Variants in ITGA1 observed in about 807,000 individuals in gnomAD.
The protein encoded by ITGA1 is integrin subunit alpha 1.
In ITGA1, 85 loss-of-function variants were observed where a neutral mutation model predicts 145.9. The observed-to-expected ratio is 0.58, with a 90% CI of 0.49 to 0.70. ITGA1 has a LOEUF of 0.70. Among genes scored for constraint, ITGA1 ranks in the 30% least tolerant of loss-of-function variants. The pLI, the probability that ITGA1 is intolerant of heterozygous loss-of-function variation, is 0.00. For synonymous variants in ITGA1, 520 were observed against 495.3 expected (o/e 1.05, Z -0.66); for missense variants, 1,351 against 1,418.7 (o/e 0.95, Z 0.77).
rs562386891 is a variant in ITGA1 at position 52,940,020 on chromosome 5, G to A, written c.3285+76G>A. The A allele has an allele frequency of 6.6e-6, 6 of 903,390 alleles. No homozygotes were observed. In the East Asian group the frequency reaches 1.6e-4, roughly 23 times the overall value. 56.0% of individuals were successfully genotyped at this position (903,390 alleles called of 1,614,324 possible). ...TCATTTACCACTTAGAATATGCAAG[G>A]CACTGTGCTGCTTTTGGAAAGAATG... On this transcript the variant is annotated intron_variant, in intron 26 of 28. Coordinates refer to ENST00000282588, the MANE Select transcript of ITGA1 (RefSeq NM_181501.2).
In ITGA1 at chr5:52,840,733, G is replaced by GT. The variant is rs1403476791; in HGVS notation, c.62-8629dup. On this transcript the variant is annotated intron_variant, in intron 1 of 28. Transcript: ENST00000282588. ...AAAGGAAGATTTTTTAAGAAAGGAT[G>GT]TTTGGGAAACACTCTAGGAGTTATT... Among the ~76,000 whole-genome samples, 7 of 152,314 alleles carry GT rather than the reference G, an allele frequency of 4.6e-5. No individual in the cohort carries two copies. In the East Asian group the frequency reaches 1.2e-3, roughly 25 times the overall value.
chr5:52,817,261 G>C lies in ITGA1; in HGVS notation c.61+28847G>C, dbSNP rs1160913676. Among the ~76,000 whole-genome samples the C allele has an allele frequency of 2.0e-5, 3 of 152,116 alleles. No individual in the cohort carries two copies. In the East Asian group the frequency reaches 5.8e-4, roughly 29 times the overall value. ...AGAGGTAGAGAAGGAAGTGTCCCAG[G>C]CTTGGTTTCAAGACAACTAGGTCCT... is the stretch of plus-strand genomic sequence containing the variant. On this transcript the variant is annotated intron_variant, in intron 1 of 28. Transcript: ENST00000282588.
At chr5:52,908,500 C>G (rs1579711558) in intron 12 of ITGA1, among the ~76,000 whole-genome samples, 1 of 152,124 alleles carries the variant, frequency 6.6e-6, no homozygotes, top group Admixed American at 6.6e-5. Flanking sequence ...CAACTCAGCT[C>G]CTTATAATGT....
At chr5:52,855,656 G>GA (rs775261998) in intron 2 of ITGA1, among the ~76,000 whole-genome samples, 1 of 152,106 alleles carries the variant, frequency 6.6e-6, no homozygotes, top group Non-Finnish European at 1.5e-5. Flanking sequence ...AGTGTTGTGA[G>GA]AAAAAACTGA....
intron 9 of ITGA1, among the ~76,000 whole-genome samples, chr5:52,895,723 G>A (rs1430067908): frequency 6.6e-6 from 1 of 152,108 alleles, no homozygotes; most frequent in Non-Finnish European, 1.5e-5. Context: ...GTGACAGGTT[G>A]AAGAGCCCAA....
At chr5:52,864,270 C>T (rs1016343794) in intron 3 of ITGA1, among the ~76,000 whole-genome samples, 1 of 152,116 alleles carries the variant, frequency 6.6e-6, no homozygotes, top group Non-Finnish European at 1.5e-5. Flanking sequence ...CTCTAATATT[C>T]CTCTAGTTTC....
At chr5:52,822,642 G>A (rs558842968) in intron 1 of ITGA1, among the ~76,000 whole-genome samples, 97 of 152,320 alleles carry the variant, frequency 6.4e-4, no homozygotes, top group East Asian at 2.5e-3. Flanking sequence ...TCGCCAGTTC[G>A]TATTGTAGCC....
chr5:52,907,438 T>A (rs1010428902), intron 12 of ITGA1, among the ~76,000 whole-genome samples: 1 of 152,192 alleles, frequency 6.6e-6, no homozygotes. Context: ...ATTAATTGTA[T>A]ACAAGACAAG....
chr5:52,918,275 A>G (rs1579719741), intron 15 of ITGA1, among the ~76,000 whole-genome samples: 1 of 152,318 alleles, frequency 6.6e-6, no homozygotes, highest in African/African-American at 2.4e-5. Context: ...CAATGCCTCA[A>G]ATGTTATTTT....
At chr5:52,845,746 A>G (rs1749322147) in intron 1 of ITGA1, among the ~76,000 whole-genome samples, 1 of 152,202 alleles carries the variant, frequency 6.6e-6, no homozygotes, top group Non-Finnish European at 1.5e-5. Context: ...ATAGCCCCTT[A>G]TAACAAGAAT....
At position 52,953,769 on chromosome 5, in the gene ITGA1, G is replaced by A. The variant is rs186222086; in HGVS notation, c.*1318G>A. 3.9e-5 allele frequency: 6 copies of A among 152,250 alleles called. No individual in the cohort carries two copies. The highest frequency in any genetic ancestry group is 1.4e-4 in the African/African-American group (6 of 41,542). The allele number at this position is 152,250 out of a possible 1,614,324, so 9.4% of individuals were successfully genotyped here. ...CTTAGGAAAATAGCAATGAATGAAT[G>A]TATAGTAGCTGCATGTGTGAACTAC... On this transcript the variant is annotated 3_prime_UTR_variant, in exon 29 of 29. Coordinates refer to ENST00000282588, the MANE Select transcript of ITGA1 (RefSeq NM_181501.2).
chr5:52,898,125 C>A, intron 10 of ITGA1, 114 bp from the exon 11 acceptor site: 1 of 573,938 alleles, frequency 1.7e-6, no homozygotes, highest in Non-Finnish European at 2.7e-6. Context: ...ATTATATAAG[C>A]TAACAAATGT....
intron 1 of ITGA1, among the ~76,000 whole-genome samples, chr5:52,820,522 T>TTA (rs112537533): frequency 6.8e-6 from 1 of 146,502 alleles, no homozygotes; most frequent in African/African-American, 2.5e-5. Context: ...TAAAGTATAA[T>TTA]AAAAAAAAAA....
chr5:52,900,373 T>C (rs1403833909), intron 11 of ITGA1, among the ~76,000 whole-genome samples: 1 of 152,170 alleles, frequency 6.6e-6, no homozygotes. Flanking sequence ...TTTACAGAGC[T>C]ATAAAAAATG....
chr5:52,840,739 G>T (rs1749242709), intron 1 of ITGA1, among the ~76,000 whole-genome samples: 1 of 152,160 alleles, frequency 6.6e-6, no homozygotes, highest in African/African-American at 2.4e-5. Flanking sequence ...GGATGTTTGG[G>T]AAACACTCTA....
chr5:52,794,252 C>A (rs958644153), intron 1 of ITGA1, among the ~76,000 whole-genome samples: 9 of 151,346 alleles, frequency 5.9e-5, no homozygotes, highest in Admixed American at 2.0e-4. Flanking sequence ...AAATATAGCA[C>A]CTAAGTCACT....
intron 6 of ITGA1, among the ~76,000 whole-genome samples, chr5:52,873,963 AT>A (rs1749825574): frequency 6.6e-6 from 1 of 152,094 alleles, no homozygotes; most frequent in African/African-American, 2.4e-5. Flanking sequence ...ATAATTATTA[AT>A]TAATAGATAA....
intron 14 of ITGA1, among the ~76,000 whole-genome samples, chr5:52,912,184 C>T (rs534646264): frequency 2.1e-3 from 276 of 133,864 alleles, no homozygotes; most frequent in African/African-American, 6.5e-3. Flanking sequence ...TATATAGATA[C>T]GCTATATATA....
At chr5:52,931,119 A>T (rs140481918) in intron 21 of ITGA1, 10 of 152,318 alleles carry the variant, frequency 6.6e-5, no homozygotes, top group African/African-American at 2.2e-4. Flanking sequence ...TCTTATGCCC[A>T]TTCTGTGAGA....
Sources: gnomAD v4.1 joint callset for allele counts (sites outside exome capture counted in the v4.1 genomes callset) on GRCh38, gnomAD v4.1.1 for gene constraint, MANE v1.5 for transcripts, NCBI Gene and HGNC (gene_info 2026-07-23, HGNC 2026-07-21) for gene names.